The following C1orf87 variants were observed in gnomAD, a reference collection of about 807,000 sequenced individuals.
The protein encoded by C1orf87 is chromosome 1 open reading frame 87, also known as uncharacterized protein C1orf87.
In C1orf87, 58 loss-of-function variants were observed where a neutral mutation model predicts 60.5. That is an observed-to-expected ratio of 0.96 (90% confidence interval 0.78 to 1.19). The LOEUF (loss-of-function observed/expected upper bound fraction) is 1.19. Ranked by LOEUF, C1orf87 falls within the 50% of genes most tolerant of loss-of-function variation. The pLI, the probability that C1orf87 is intolerant of heterozygous loss-of-function variation, is 0.00. For missense variants in C1orf87, 673 were observed against 638.6 expected (o/e 1.05, Z -0.58); for synonymous variants, 236 against 227.4 (o/e 1.04, Z -0.34).
chr1:60,049,443 T>C (rs924714816), intron 3 of C1orf87, among the ~76,000 whole-genome samples: 4 of 152,168 alleles, frequency 2.6e-5, no homozygotes, highest in Admixed American at 6.5e-5. Context: ...ATTTTTCTAA[T>C]AGTATAACCC....
At chr1:60,025,689 C>A (rs1645194333) in intron 7 of C1orf87, among the ~76,000 whole-genome samples, 191 bp from the exon 8 acceptor site, 1 of 152,124 alleles carries the variant, frequency 6.6e-6, no homozygotes, top group Admixed American at 6.5e-5. Flanking sequence ...GAATGTGCAA[C>A]TGAATGCTTA....
chr1:60,063,621 G>C (rs577699861), intron 2 of C1orf87, among the ~76,000 whole-genome samples: 1 of 152,222 alleles, frequency 6.6e-6, no homozygotes, highest in African/African-American at 2.4e-5. Flanking sequence ...TCTTTCTTAA[G>C]CATACCAAGA....
rs74085857 is a variant in C1orf87 at position 59,995,443 on chromosome 1, C to A, written c.1480+2166G>T. On this transcript the variant is annotated intron_variant, in intron 11 of 11. Transcript: ENST00000371201. The stretch of plus-strand genomic sequence containing the variant: ...GGTAAAGAATGAAGCCTCATCCTAT[C>A]CCTTAGGGTTCATAATAGGTTCTCA... Among the ~76,000 whole-genome samples, 1,135 of 152,286 alleles carry A rather than the reference C, an allele frequency of 7.5e-3. 20 individuals are homozygous for A. Among genetic ancestry groups the A allele is most frequent in the African/African-American group, 0.026 (1,079 of 41,546 alleles).
intron 9 of C1orf87, among the ~76,000 whole-genome samples, chr1:60,004,676 G>A (rs981253855): frequency 6.6e-6 from 1 of 151,956 alleles, no homozygotes; most frequent in African/African-American, 2.4e-5. Flanking sequence ...CTGAGGCAGA[G>A]CTATTTTTTT....
chr1:60,027,236 A>G (rs1307254081), intron 7 of C1orf87, among the ~76,000 whole-genome samples: 3 of 152,122 alleles, frequency 2.0e-5, no homozygotes, highest in Non-Finnish European at 4.4e-5. Flanking sequence ...ACTTATCCAA[A>G]GCCCATACTC....
intron 7 of C1orf87, among the ~76,000 whole-genome samples, chr1:60,027,661 G>C (rs1438392445): frequency 6.6e-6 from 1 of 152,160 alleles, no homozygotes; most frequent in East Asian, 1.9e-4. Flanking sequence ...AACCAATCGG[G>C]TTTGAAACTT....
intron 3 of C1orf87, among the ~76,000 whole-genome samples, chr1:60,051,647 G>T (rs905093343): frequency 1.3e-5 from 2 of 152,162 alleles, no homozygotes; most frequent in Non-Finnish European, 2.9e-5. Context: ...GGGGTGATTT[G>T]TTACGCAGCA....
intron 2 of C1orf87, among the ~76,000 whole-genome samples, chr1:60,066,139 C>T (rs1645544539): frequency 6.6e-6 from 1 of 152,176 alleles, no homozygotes. Flanking sequence ...TACCTGCTGA[C>T]TAATGAGGTT....
Position 60,055,439 on chromosome 1 carries a change from C to T in C1orf87, c.108-1G>A. 1 of 1,612,922 alleles carries T rather than the reference C, an allele frequency of 6.2e-7. No individual in the cohort carries two copies. The highest frequency in any genetic ancestry group is 1.1e-5 in the South Asian group (1 of 91,060). ...TGTTTTCAAGCTGTCATTCTCCTTG[C>T]TGTGAAGAAAGAATTGTATACTTTG... is the stretch of plus-strand genomic sequence containing the variant. On this transcript the variant is annotated splice_acceptor_variant, in intron 2 of 11. Coordinates refer to ENST00000371201, the MANE Select transcript of C1orf87 (RefSeq NM_152377.3). LOFTEE classifies it high-confidence loss of function.
chr1:60,068,488 A>G (rs1483041700), intron 2 of C1orf87, among the ~76,000 whole-genome samples: 1 of 152,168 alleles, frequency 6.6e-6, no homozygotes, highest in Non-Finnish European at 1.5e-5. Flanking sequence ...GCAAGTTGTG[A>G]TTATATCAAT....
intron 5 of C1orf87, among the ~76,000 whole-genome samples, 190 bp from the exon 6 acceptor site, chr1:60,038,297 A>C (rs545951540): frequency 6.6e-6 from 1 of 152,250 alleles, no homozygotes; most frequent in East Asian, 1.9e-4. Flanking sequence ...ACAAATGGTA[A>C]AATTGTACTT....
At chr1:60,073,589 A>G (rs1645598692) in intron 1 of C1orf87, 101 bp downstream of exon 1, 1 of 152,454 alleles carries the variant, frequency 6.6e-6, no homozygotes. Context: ...ACCTGTCTGG[A>G]ATCTTCCAGA....
chr1:60,011,371 G>T (rs1361468080), intron 8 of C1orf87, among the ~76,000 whole-genome samples: 1 of 151,832 alleles, frequency 6.6e-6, no homozygotes, highest in African/African-American at 2.4e-5. Flanking sequence ...CCCATACCTT[G>T]CCCTAGCCAA....
At position 60,055,234 on chromosome 1, in the gene C1orf87, C is replaced by A; in HGVS notation, c.312G>T (p.Gly104=). 6.2e-7 allele frequency: 1 copy of A among 1,613,922 alleles called. No individual in the cohort carries two copies. Among genetic ancestry groups the A allele is most frequent in the Non-Finnish European group, 8.5e-7 (1 of 1,179,936 alleles). Residue 104 remains glycine (G), a synonymous_variant, in exon 3 of 12, where the codon GGG becomes GGT. Coordinates refer to ENST00000371201, the MANE Select transcript of C1orf87 (RefSeq NM_152377.3). ...CATCCAGGAATCTGCTACTGTTTGC[C>A]CCTGTTAGTAGTTTCTGGTTGTTTT... ...KSENNQKLLT[G]ANSSRFLDGN... is the part of the protein sequence containing the mutation.
At chr1:60,055,181 C>T (rs752673214) in intron 3 of C1orf87, 23 bp downstream of exon 3, 31 of 1,546,718 alleles carry the variant, frequency 2.0e-5, no homozygotes, top group South Asian at 1.9e-4. Flanking sequence ...TCAAGATAAA[C>T]GTGGGTATTT....
intron 9 of C1orf87, among the ~76,000 whole-genome samples, chr1:60,001,570 T>C (rs146965812): frequency 6.6e-6 from 1 of 152,150 alleles, no homozygotes; most frequent in Non-Finnish European, 1.5e-5. Flanking sequence ...AGAGGAGTTA[T>C]CCAGGCAAAG....
chr1:60,044,676 T>C (rs987995679), intron 3 of C1orf87, among the ~76,000 whole-genome samples: 5 of 152,152 alleles, frequency 3.3e-5, no homozygotes, highest in Admixed American at 1.3e-4. Flanking sequence ...TTAAGTCACC[T>C]GGGGCTGTCA....
intron 2 of C1orf87, among the ~76,000 whole-genome samples, chr1:60,065,432 G>T (rs1449098583): frequency 6.6e-6 from 1 of 152,004 alleles, no homozygotes; most frequent in Non-Finnish European, 1.5e-5. Context: ...TCTCTGCACT[G>T]TCTCAGTTCA....
chr1:60,057,388 T>C (rs1359840877), intron 2 of C1orf87, among the ~76,000 whole-genome samples: 1 of 152,112 alleles, frequency 6.6e-6, no homozygotes, highest in East Asian at 1.9e-4. Flanking sequence ...TGAAGAAGTT[T>C]GGCTGCAAGA....
Sources: allele counts gnomAD v4.1 joint callset (sites outside exome capture counted in the v4.1 genomes callset), GRCh38; gene constraint gnomAD v4.1.1; transcripts MANE v1.5; gene names NCBI Gene and HGNC (gene_info 2026-07-23, HGNC 2026-07-21).